DCAF10: variants seen among roughly 807,000 people sequenced by gnomAD.
DCAF10 encodes the protein DDB1- and CUL4-associated factor 10.
A neutral mutation model predicts 51.9 loss-of-function variants in DCAF10; 19 were observed. That is an observed-to-expected ratio of 0.37 (90% CI 0.26 to 0.54). DCAF10 has a LOEUF of 0.54. Ranked by LOEUF, DCAF10 falls within the 20% of genes least tolerant of loss-of-function variation. The probability of loss-of-function intolerance (pLI) is 0.87; values close to 1 mark genes in which losing one functional copy is unlikely to be tolerated. For synonymous variants in DCAF10, 291 were observed against 297.1 expected (o/e 0.98, Z 0.21); for missense variants, 510 against 730.6 (o/e 0.70, Z 3.48).
At chr9:37,841,182 A>C (rs1830325870) in intron 2 of DCAF10, among the ~76,000 whole-genome samples, 1 of 152,198 alleles carries the variant, frequency 6.6e-6, no homozygotes, top group Non-Finnish European at 1.5e-5. Context: ...TTCACCTAGC[A>C]GAAACAACCT....
At chr9:37,854,234 G>C (rs943832287) in intron 3 of DCAF10, among the ~76,000 whole-genome samples, 2 of 151,936 alleles carry the variant, frequency 1.3e-5, no homozygotes, top group East Asian at 3.9e-4. Flanking sequence ...TGAGTAGTTG[G>C]AACTATGAGT....
chr9:37,827,118 G>A (rs567809164), intron 2 of DCAF10, among the ~76,000 whole-genome samples: 9 of 152,048 alleles, frequency 5.9e-5, no homozygotes, highest in East Asian at 3.9e-4. Context: ...GAGCCACTGC[G>A]CCCGGCCACC....
upstream of DCAF10, chr9:37,800,730 G>A (rs1169159202): frequency 2.0e-6 from 3 of 1,535,018 alleles, no homozygotes; most frequent in Non-Finnish European, 8.7e-7. Context: ...GTCCCCGGCG[G>A]ACGGTGGCCG....
chr9:37,842,018 C>G (rs1830350853), intron 2 of DCAF10, 71 bp from the exon 3 acceptor site: 1 of 1,446,348 alleles, frequency 6.9e-7, no homozygotes. Flanking sequence ...AATATAGTGA[C>G]TGTTTCTCAA....
chr9:37,860,516 CAAAA>C, intron 6 of DCAF10: 1 of 236,324 alleles, frequency 4.2e-6, no homozygotes, highest in Non-Finnish European at 8.2e-6. Flanking sequence ...AACAAACAAA[CAAAA>C]ACCCCTTGTA....
intron 1 of DCAF10, among the ~76,000 whole-genome samples, chr9:37,802,787 A>G (rs1828997221): frequency 6.6e-6 from 1 of 152,172 alleles, no homozygotes; most frequent in Admixed American, 6.5e-5. Flanking sequence ...GAGAGGAGAA[A>G]CTATTTTGCT....
At chr9:37,818,215 C>T (rs1040112555) in intron 1 of DCAF10, among the ~76,000 whole-genome samples, 34 of 152,228 alleles carry the variant, frequency 2.2e-4, no homozygotes, top group African/African-American at 7.7e-4. Context: ...AGTCTGGTCT[C>T]GAACTCCTGA....
At position 37,801,212 on chromosome 9, in the gene DCAF10, C is replaced by T; in HGVS notation, c.346C>T (p.Leu116=). The T allele has an allele frequency of 6.4e-7, 1 of 1,559,464 alleles. No individual in the cohort carries two copies. The highest frequency in any genetic ancestry group is 1.2e-5 in the South Asian group (1 of 84,414). Residue 116 remains leucine (L), a synonymous_variant, in exon 1 of 7, where the codon CTG becomes TTG. Coordinates refer to ENST00000377724, the MANE Select transcript of DCAF10 (RefSeq NM_024345.5). The surrounding 1 kb of genome is among the most constrained non-coding windows in gnomAD (Gnocchi z 5.5). ...SRGRHGLGAG[L]GGPGARLFGW... ...GGGCCGACACGGCCTCGGCGCGGGC[C>T]TGGGCGGCCCTGGCGCTAGGCTGTT...
chr9:37,808,626 A>G (rs1414705379), intron 1 of DCAF10, among the ~76,000 whole-genome samples: 4 of 35,436 alleles, frequency 1.1e-4, no homozygotes, highest in Non-Finnish European at 1.5e-4. Flanking sequence ...ATATATTTAT[A>G]TAATATAATA....
chr9:37,859,384 A>G (rs1830948166), intron 5 of DCAF10, among the ~76,000 whole-genome samples: 1 of 152,190 alleles, frequency 6.6e-6, no homozygotes, highest in Admixed American at 6.5e-5. Flanking sequence ...ACATATTCCT[A>G]TTATTAACAG....
At chr9:37,800,611 C>G (rs1246735202), upstream of DCAF10, 1 of 1,536,032 alleles carries the variant, frequency 6.5e-7, no homozygotes, top group African/African-American at 1.4e-5. Flanking sequence ...ACTCTGCCAC[C>G]CAGATCAGGT....
At chr9:37,821,582 T>C (rs1829701909) in intron 2 of DCAF10, among the ~76,000 whole-genome samples, 1 of 152,168 alleles carries the variant, frequency 6.6e-6, no homozygotes, top group Non-Finnish European at 1.5e-5. Flanking sequence ...TAGCCACATG[T>C]AGGAGAATGT....
chr9:37,801,265 C>T lies in DCAF10; in HGVS notation c.399C>T (p.Gly133=), dbSNP rs1156973335. The T allele has an allele frequency of 6.3e-7, 1 of 1,593,260 alleles. No homozygotes were observed. Among genetic ancestry groups the T allele is most frequent in the South Asian group, 1.1e-5 (1 of 87,758 alleles). The change falls in exon 1 of 7, where the codon GGC becomes GGT. Residue 133 remains glycine (G), a synonymous_variant. Coordinates refer to ENST00000377724, the MANE Select transcript of DCAF10 (RefSeq NM_024345.5). This position sits in a 1 kb window ranked among gnomAD's most constrained non-coding sequence, Gnocchi z 5.5. The stretch of plus-strand genomic sequence containing the variant: ...GGTGGCTGAAAGAGCGCAGCCTGGG[C>T]CGCGGGCTGTTCGTGGACCCGGCGC... ...LFGWLKERSL[G]RGLFVDPARD...
intron 3 of DCAF10, among the ~76,000 whole-genome samples, chr9:37,852,965 T>A (rs10115555): frequency 0.064 from 6,465 of 101,090 alleles, 592 homozygotes; most frequent in African/African-American, 0.21. Context: ...TATATATATA[T>A]AAATTAGCTT....
At chr9:37,830,272 C>CT (rs1252364370) in intron 2 of DCAF10, among the ~76,000 whole-genome samples, 1 of 152,106 alleles carries the variant, frequency 6.6e-6, no homozygotes, top group Non-Finnish European at 1.5e-5. Context: ...GTAGAATGAG[C>CT]TTTATATAGT....
chr9:37,823,314 T>C (rs1484816110), intron 2 of DCAF10, among the ~76,000 whole-genome samples: 1 of 152,168 alleles, frequency 6.6e-6, no homozygotes, highest in Admixed American at 6.5e-5. Context: ...TCTAGACAGG[T>C]TGTGGTGAAA....
chr9:37,826,966 C>T (rs1417922548), intron 2 of DCAF10, among the ~76,000 whole-genome samples: 1 of 151,842 alleles, frequency 6.6e-6, no homozygotes, highest in Non-Finnish European at 1.5e-5. Flanking sequence ...GCTGGGATTA[C>T]AGGCATGTGC....
At chr9:37,839,806 T>G (rs1384410339) in intron 2 of DCAF10, among the ~76,000 whole-genome samples, 1 of 152,222 alleles carries the variant, frequency 6.6e-6, no homozygotes, top group South Asian at 2.1e-4. Context: ...ACACAATTAT[T>G]TCGTGTAATT....
rs114968690 is a variant in DCAF10, at chr9:37,817,687, G to A, written c.540-1601G>A. On this transcript the variant is annotated intron_variant, in intron 1 of 6. Transcript: ENST00000377724. ...AGGCTGATGTGGGAGGATCACTTGA[G>A]GCCAGGAATTTGAGACCAGCTTGAG... Among the ~76,000 whole-genome samples the A allele has an allele frequency of 7.2e-3, 1,098 of 152,048 alleles. 11 individuals carry two copies. The highest frequency in any genetic ancestry group is 0.025 in the African/African-American group (1,043 of 41,478).
Sources: gnomAD v4.1 joint callset for allele counts (sites outside exome capture counted in the v4.1 genomes callset) on GRCh38, gnomAD v4.1.1 for gene constraint, Gnocchi (gnomAD v3.1) non-coding constraint, MANE v1.5 for transcripts, NCBI Gene and HGNC (gene_info 2026-07-23, HGNC 2026-07-21) for gene names.